DIP2C: variants seen among roughly 807,000 people sequenced by gnomAD.
DIP2C encodes DIP2 acetate--CoA ligase C (putative).
A neutral mutation model predicts 192.4 loss-of-function variants in DIP2C; 33 were observed. That is an observed-to-expected ratio of 0.17 (90% CI 0.13 to 0.23). The LOEUF (loss-of-function observed/expected upper bound fraction) is 0.23. DIP2C is among the 10% of genes least tolerant of loss of function. The pLI, the probability that DIP2C is intolerant of heterozygous loss-of-function variation, is 1.00. For missense variants in DIP2C, 1,537 were observed against 2,110.1 expected, an observed-to-expected ratio of 0.73 and a Z score of 5.32; for synonymous variants, 979 against 864.1, an observed-to-expected ratio of 1.13 and a Z score of -2.33.
chr10:492,299 C>T (rs557761032), intron 1 of DIP2C, among the ~76,000 whole-genome samples: 46 of 152,340 alleles, frequency 3.0e-4, no homozygotes, highest in African/African-American at 1.1e-3. Flanking sequence ...CCAAACTCCC[C>T]ACAGGGCCTC....
chr10:666,776 CAG>C lies in DIP2C; in HGVS notation c.85+22716_85+22717del, dbSNP rs1014293637. On this transcript the variant is annotated intron_variant, in intron 1 of 36. Coordinates refer to ENST00000280886, the MANE Select transcript of DIP2C (RefSeq NM_014974.3). The surrounding 1 kb of genome is among the most constrained non-coding windows in gnomAD (Gnocchi z 4.1). ...AGGCACGTGTGTTGAGGCGTGTACT[CAG>C]GGCCTGCCTACTTCCCCAGGCCTAC... is the stretch of plus-strand genomic sequence containing the variant. 2 of 152,260 alleles carry C rather than the reference CAG, an allele frequency of 1.3e-5. No individual in the cohort carries two copies. The highest frequency in any genetic ancestry group is 2.4e-5 in the African/African-American group (1 of 41,430). 9.4% of individuals were successfully genotyped at this position (152,260 alleles called of 1,614,324 possible). A position where few individuals can be genotyped will look rare whatever the true frequency, so the allele number is the denominator to read the frequency against.
intron 27 of DIP2C, 22 bp from the exon 28 acceptor site, chr10:344,940 A>T: frequency 6.2e-7 from 1 of 1,603,420 alleles, no homozygotes; most frequent in Non-Finnish European, 8.5e-7. Flanking sequence ...CATGACTATC[A>T]GCAGATCCAG....
Position 565,558 on chromosome 10 carries a change from A to C in DIP2C, c.86-79028T>G, listed in dbSNP as rs143416553. On this transcript the variant is annotated intron_variant, in intron 1 of 36. Coordinates refer to ENST00000280886, the MANE Select transcript of DIP2C (RefSeq NM_014974.3). ...CAATCGTAAGAGAGGCATTTTCCACAGACTACTAACCCAACTTCACCTAGA... is the reference window on the plus strand; with the variant it reads ...CAATCGTAAGAGAGGCATTTTCCACCGACTACTAACCCAACTTCACCTAGA... Among the ~76,000 whole-genome samples the C allele has an allele frequency of 3.3e-5, 5 of 152,320 alleles. No homozygotes were observed. In the East Asian group the frequency reaches 9.6e-4, roughly 29 times the overall value.
chr10:397,327 C>G (rs564207263), intron 10 of DIP2C, among the ~76,000 whole-genome samples: 2 of 152,136 alleles, frequency 1.3e-5, no homozygotes, highest in East Asian at 3.9e-4. Flanking sequence ...GTCAGGAGTT[C>G]GAGACCAGCC....
intron 19 of DIP2C, among the ~76,000 whole-genome samples, chr10:366,011 C>T (rs1025428392): frequency 2.0e-5 from 3 of 152,218 alleles, no homozygotes; most frequent in Admixed American, 2.0e-4. Context: ...CCACTTTTCA[C>T]AGTAAAAGTG....
chr10:503,857 T>C (rs1018108590), intron 1 of DIP2C, among the ~76,000 whole-genome samples: 1 of 152,252 alleles, frequency 6.6e-6, no homozygotes, highest in Non-Finnish European at 1.5e-5. Flanking sequence ...GCCGCCTACA[T>C]CAGACGTTTT....
chr10:529,960 G>C (rs1159340422), intron 1 of DIP2C, among the ~76,000 whole-genome samples: 1 of 152,128 alleles, frequency 6.6e-6, no homozygotes, highest in African/African-American at 2.4e-5. Context: ...TTCCTAATTC[G>C]CCACCACGTG....
chr10:295,304 G>A (rs1955696489), intron 32 of DIP2C, among the ~76,000 whole-genome samples: 1 of 152,104 alleles, frequency 6.6e-6, no homozygotes, highest in Non-Finnish European at 1.5e-5. Context: ...GCTTACGCCT[G>A]TAATCCCAGC....
intron 23 of DIP2C, among the ~76,000 whole-genome samples, chr10:357,297 C>T (rs1230077328): frequency 6.6e-6 from 1 of 152,200 alleles, no homozygotes; most frequent in Non-Finnish European, 1.5e-5. Context: ...GTTAGGAGGC[C>T]TGGCCCCCTA....
chr10:394,219 T>TC (rs1963749757), intron 10 of DIP2C, among the ~76,000 whole-genome samples: 1 of 152,178 alleles, frequency 6.6e-6, no homozygotes, highest in African/African-American at 2.4e-5. Context: ...CACTGGGCGC[T>TC]ATTCAGCCTT....
intron 14 of DIP2C, among the ~76,000 whole-genome samples, chr10:386,118 G>A (rs61480089): frequency 0.048 from 7,297 of 152,294 alleles, 527 homozygotes; most frequent in African/African-American, 0.16. Context: ...TGTGGACAAC[G>A]TCACAGCCGG....
At chr10:626,813 G>C (rs1457241207) in intron 1 of DIP2C, among the ~76,000 whole-genome samples, 2 of 152,172 alleles carry the variant, frequency 1.3e-5, no homozygotes, top group Non-Finnish European at 2.9e-5. Flanking sequence ...TCGTCAGGCA[G>C]GATGAAAACA....
intron 5 of DIP2C, among the ~76,000 whole-genome samples, chr10:421,100 C>T (rs951212681): frequency 2.6e-5 from 4 of 151,722 alleles, no homozygotes; most frequent in African/African-American, 9.7e-5. Context: ...GCTTTTTTTC[C>T]AAAAAAATTT....
chr10:438,389 CTT>C (rs1169496708), intron 4 of DIP2C, among the ~76,000 whole-genome samples: 1 of 152,206 alleles, frequency 6.6e-6, no homozygotes, highest in African/African-American at 2.4e-5. Context: ...GTGGGTTATC[CTT>C]TTAAGTCCAT....
intron 1 of DIP2C, among the ~76,000 whole-genome samples, chr10:511,455 G>A (rs766404545): frequency 3.3e-5 from 5 of 152,218 alleles, no homozygotes; most frequent in South Asian, 2.1e-4. Flanking sequence ...TCCAAACCAA[G>A]GTGCTACTAG....
At chr10:325,951 G>GC (rs1335509080) in intron 31 of DIP2C, among the ~76,000 whole-genome samples, 1 of 152,142 alleles carries the variant, frequency 6.6e-6, no homozygotes, top group East Asian at 1.9e-4. Context: ...GGAGGCCAGG[G>GC]CAGACAGATT....
intron 1 of DIP2C, among the ~76,000 whole-genome samples, chr10:549,660 G>C (rs544143419): frequency 3.3e-5 from 5 of 151,594 alleles, no homozygotes; most frequent in South Asian, 2.1e-4. Context: ...AGAGCGGAGG[G>C]CCCCCCCCGA....
At chr10:520,506 T>A (rs1846631874) in intron 1 of DIP2C, among the ~76,000 whole-genome samples, 1 of 152,240 alleles carries the variant, frequency 6.6e-6, no homozygotes, top group African/African-American at 2.4e-5. Flanking sequence ...ACATCCCAGT[T>A]GGAAGGAGTT....
intron 4 of DIP2C, among the ~76,000 whole-genome samples, chr10:431,998 T>TA (rs1419832812): frequency 6.6e-6 from 1 of 152,252 alleles, no homozygotes; most frequent in Non-Finnish European, 1.5e-5. Context: ...CTTAGCCTGT[T>TA]AACGTGATGA....
Sources: allele counts gnomAD v4.1 joint callset (sites outside exome capture counted in the v4.1 genomes callset), GRCh38; gene constraint gnomAD v4.1.1; non-coding constraint Gnocchi (gnomAD v3.1); transcripts MANE v1.5; gene names NCBI Gene and HGNC (gene_info 2026-07-23, HGNC 2026-07-21).